Variants in ADGB observed in about 807,000 individuals in gnomAD.
ADGB encodes calpain-7-like protein.
In ADGB, 172 loss-of-function variants were observed where a neutral mutation model predicts 210.5. The observed-to-expected ratio is 0.82, with a 90% CI of 0.72 to 0.93. The LOEUF (loss-of-function observed/expected upper bound fraction) is 0.93, where lower values mean the gene tolerates loss of function less well. Ranked by LOEUF, ADGB falls within the 40% of genes least tolerant of loss-of-function variation. The pLI is 0.00. For missense variants in ADGB, 2,025 were observed against 1,964.8 expected (o/e 1.03, Z -0.58); for synonymous variants, 658 against 662.7 (o/e 0.99, Z 0.11).
At chr6:146,727,516 A>T (rs1039032413) in intron 19 of ADGB, among the ~76,000 whole-genome samples, 23 of 152,188 alleles carry the variant, frequency 1.5e-4, no homozygotes, top group Non-Finnish European at 2.9e-5. Flanking sequence ...TATATGGTAT[A>T]CATTGTCAGT....
At chr6:146,724,144 CT>C (rs1275121364) in intron 17 of ADGB, 41 bp from the exon 18 acceptor site, 1 of 1,510,824 alleles carries the variant, frequency 6.6e-7, no homozygotes, top group Admixed American at 2.4e-5. Flanking sequence ...GCCAACTACA[CT>C]TTCATGATCA....
chr6:146,726,491 G>A (rs1776897519), intron 19 of ADGB, among the ~76,000 whole-genome samples: 1 of 152,110 alleles, frequency 6.6e-6, no homozygotes, highest in African/African-American at 2.4e-5. Context: ...CCAAAGTGCT[G>A]GGATCACAGG....
chr6:146,739,505 C>G (rs990891820), intron 23 of ADGB, among the ~76,000 whole-genome samples: 1 of 152,120 alleles, frequency 6.6e-6, no homozygotes, highest in African/African-American at 2.4e-5. Context: ...CTTTCAAACC[C>G]CTTCCAAGTA....
Position 146,629,293 on chromosome 6 carries a change from C to T in ADGB, c.75-6082C>T, listed in dbSNP as rs1274982897. On this transcript the variant is annotated intron_variant, in intron 1 of 35. Coordinates refer to ENST00000397944, the MANE Select transcript of ADGB (RefSeq NM_024694.4). Reference sequence around the variant, plus strand: ...TGAGAGTTTCAAAAGCAGGAGTTTACGTGGTCATTTGAAGTCCACAGTATA... The same window carrying T: ...TGAGAGTTTCAAAAGCAGGAGTTTATGTGGTCATTTGAAGTCCACAGTATA... Among the ~76,000 whole-genome samples the T allele has an allele frequency of 2.6e-5, 4 of 152,134 alleles. No homozygotes were observed. The East Asian group carries it at 5.8e-4, about 22-fold the overall frequency.
intron 33 of ADGB, among the ~76,000 whole-genome samples, chr6:146,796,372 G>A (rs955349590): frequency 8.6e-5 from 13 of 152,020 alleles, no homozygotes; most frequent in African/African-American, 3.1e-4. Context: ...AACCAAAAAA[G>A]AGCCTACATA....
intron 21 of ADGB, 29 bp downstream of exon 21, chr6:146,733,284 AG>A: frequency 7.0e-7 from 1 of 1,437,776 alleles, no homozygotes; most frequent in Non-Finnish European, 9.2e-7. Context: ...TATTTAATCA[AG>A]GAATTCCTAG....
intron 26 of ADGB, among the ~76,000 whole-genome samples, chr6:146,746,907 T>G (rs1482963667): frequency 4.6e-5 from 7 of 152,026 alleles, no homozygotes; most frequent in Non-Finnish European, 1.0e-4. Flanking sequence ...TTGTCCCATG[T>G]GTCCTGTCCC....
intron 33 of ADGB, among the ~76,000 whole-genome samples, chr6:146,795,342 A>G (rs1330505484): frequency 1.3e-5 from 2 of 152,230 alleles, no homozygotes; most frequent in African/African-American, 4.8e-5. Context: ...TGCACAGTAA[A>G]GGAACTATCA....
At chr6:146,787,179 T>C (rs1022979391) in intron 32 of ADGB, among the ~76,000 whole-genome samples, 1 of 152,164 alleles carries the variant, frequency 6.6e-6, no homozygotes, top group South Asian at 2.1e-4. Context: ...GACCCTGTCA[T>C]AGAACACACA....
intron 29 of ADGB, chr6:146,770,471 G>A (rs1764971532): frequency 2.6e-6 from 1 of 386,296 alleles, no homozygotes; most frequent in African/African-American, 2.1e-5. Flanking sequence ...CGCACTGTGC[G>A]GCCTCTTCTG....
At position 146,752,449 on chromosome 6, in the gene ADGB, A is replaced by G; in HGVS notation, c.3366-81A>G. 2.3e-6 allele frequency: 3 copies of G among 1,291,996 alleles called. No individual in the cohort carries two copies. The South Asian group carries it at 4.8e-5, about 20-fold the overall frequency. The allele number at this position is 1,291,996 out of a possible 1,614,324, so 80.0% of individuals were successfully genotyped here. A position where few individuals can be genotyped will look rare whatever the true frequency, so the allele number is the denominator to read the frequency against. ...TTTGACAGCAGATTTGGGCAGGGAC[A>G]TATATCCAAACTATCTCACTTACTG... is the stretch of plus-strand genomic sequence containing the variant. On this transcript the variant is annotated intron_variant, in intron 26 of 35. Coordinates refer to ENST00000397944, the MANE Select transcript of ADGB (RefSeq NM_024694.4).
At chr6:146,761,495 T>C (rs759330888) in intron 27 of ADGB, among the ~76,000 whole-genome samples, 12 of 152,046 alleles carry the variant, frequency 7.9e-5, no homozygotes, top group Non-Finnish European at 1.3e-4. Flanking sequence ...TAGATTTTAA[T>C]TGGATTTGGA....
chr6:146,735,782 A>AT (rs956966382), intron 22 of ADGB, among the ~76,000 whole-genome samples: 4 of 151,926 alleles, frequency 2.6e-5, no homozygotes, highest in Admixed American at 1.3e-4. Context: ...TGGTGTTTGC[A>AT]TTTTTTTCAC....
chr6:146,687,723 T>C (rs1331407713), intron 10 of ADGB, among the ~76,000 whole-genome samples: 1 of 152,030 alleles, frequency 6.6e-6, no homozygotes, highest in Non-Finnish European at 1.5e-5. Flanking sequence ...TAGACCTATG[T>C]AACAAGCCTG....
chr6:146,673,792 C>G (rs1776047474), intron 8 of ADGB, among the ~76,000 whole-genome samples: 1 of 152,172 alleles, frequency 6.6e-6, no homozygotes, highest in Admixed American at 6.6e-5. Context: ...GCCTTTAAGA[C>G]AACCAAGTGG....
chr6:146,791,327 T>G (rs9497625), intron 33 of ADGB, among the ~76,000 whole-genome samples: 1 of 152,060 alleles, frequency 6.6e-6, no homozygotes, highest in Non-Finnish European at 1.5e-5. Flanking sequence ...TCTGGACTTA[T>G]GTTTAAGTTT....
intron 12 of ADGB, 129 bp downstream of exon 12, chr6:146,693,044 T>C: frequency 1.8e-6 from 1 of 558,468 alleles, no homozygotes; most frequent in Non-Finnish European, 3.1e-6. Context: ...CAAATACATG[T>C]AAAAACTTTA....
chr6:146,683,341 T>C (rs929149314), intron 9 of ADGB, among the ~76,000 whole-genome samples: 4 of 152,152 alleles, frequency 2.6e-5, no homozygotes, highest in African/African-American at 9.6e-5. Flanking sequence ...TTATAAGATG[T>C]ATAAAACTTA....
At chr6:146,601,301 A>G (rs557592002) in intron 1 of ADGB, among the ~76,000 whole-genome samples, 5 of 152,320 alleles carry the variant, frequency 3.3e-5, no homozygotes, top group African/African-American at 9.6e-5. Context: ...AAATGTATGC[A>G]TACATTTATG....
Sources: allele counts gnomAD v4.1 joint callset (sites outside exome capture counted in the v4.1 genomes callset), GRCh38; gene constraint gnomAD v4.1.1; transcripts MANE v1.5; gene names NCBI Gene and HGNC (gene_info 2026-07-23, HGNC 2026-07-21).